DSE: variants seen among roughly 807,000 people sequenced by gnomAD.
The protein encoded by DSE is dermatan-sulfate epimerase.
DSE carries 36 observed loss-of-function variants against 84.4 expected under a neutral mutation model. That is an observed-to-expected ratio of 0.43 (90% confidence interval 0.33 to 0.56). The LOEUF (loss-of-function observed/expected upper bound fraction) is 0.56. Ranked by LOEUF, DSE falls within the 20% of genes least tolerant of loss-of-function variation. DSE has a pLI of 0.06. For synonymous variants in DSE, 410 were observed against 430.1 expected, an observed-to-expected ratio of 0.95 and a Z score of 0.58; for missense variants, 862 against 1,169.6, an observed-to-expected ratio of 0.74 and a Z score of 3.84.
chr6:116,295,267 G>A (rs114331988), intron 2 of DSE, among the ~76,000 whole-genome samples: 43 of 152,216 alleles, frequency 2.8e-4, no homozygotes, highest in African/African-American at 9.9e-4. Context: ...GTGGAGGGTT[G>A]TGGGGAGAGA....
intron 1 of DSE, chr6:116,255,231 A>G (rs1412360484): frequency 6.6e-6 from 1 of 152,246 alleles, no homozygotes; most frequent in African/African-American, 2.4e-5. Flanking sequence ...CTCCATTTTA[A>G]GCCCCCCAGA....
rs1471941472 is a variant in DSE at position 116,438,189 on chromosome 6, G to A, written c.*844G>A. ...GTTGATTTTCATACCAAAGAAGATGGAGAGTCTAAAATTTGGATATGATTC... is the reference window on the plus strand; with the variant it reads ...GTTGATTTTCATACCAAAGAAGATGAAGAGTCTAAAATTTGGATATGATTC... On this transcript the variant is annotated 3_prime_UTR_variant, in exon 6 of 6. Coordinates refer to ENST00000644252, the MANE Select transcript of DSE (RefSeq NM_013352.4). 3.9e-5 allele frequency: 6 copies of A among 152,516 alleles called. No individual in the cohort carries two copies. In the East Asian group the frequency reaches 9.6e-4, roughly 25 times the overall value. 9.4% of individuals were successfully genotyped at this position (152,516 alleles called of 1,614,324 possible).
At chr6:116,427,963 C>T (rs1270493475) in intron 3 of DSE, among the ~76,000 whole-genome samples, 4 of 152,154 alleles carry the variant, frequency 2.6e-5, no homozygotes, top group African/African-American at 7.2e-5. Flanking sequence ...CCAAAGCGGG[C>T]GGATCACTTG....
Position 116,265,314 on chromosome 6 carries a change from A to C in DSE, c.-54+6347A>C, listed in dbSNP as rs539066342. The stretch of plus-strand genomic sequence containing the variant: ...GCAGGAGTGATTGCTCAGGGCAGGG[A>C]AGGATCTGCTGTTCTCTGTGTAGTG... On this transcript the variant is annotated intron_variant, in intron 2 of 3. Transcript: ENST00000430252. 5.3e-5 allele frequency among the ~76,000 whole-genome samples: 8 copies of C among 152,096 alleles called. No homozygotes were observed. The South Asian group carries it at 1.7e-3, about 32-fold the overall frequency.
chr6:116,383,774 T>C (rs1780400836), intron 1 of DSE, among the ~76,000 whole-genome samples: 2 of 152,232 alleles, frequency 1.3e-5, no homozygotes, highest in South Asian at 4.1e-4. Context: ...CAGCAGCATG[T>C]TATTTGTCCT....
chr6:116,367,381 C>T (rs909173935), upstream of DSE, among the ~76,000 whole-genome samples: 5 of 152,134 alleles, frequency 3.3e-5, no homozygotes, highest in African/African-American at 1.2e-4. Flanking sequence ...AGAATGGAAG[C>T]AGATGTATAG....
upstream of DSE, chr6:116,369,800 A>AT: frequency 5.2e-6 from 4 of 770,136 alleles, no homozygotes; most frequent in South Asian, 1.5e-5. Context: ...AGACATCCAC[A>AT]TTTTTTCCTT....
chr6:116,292,472 G>C (rs1009597439), intron 2 of DSE, among the ~76,000 whole-genome samples: 3 of 152,068 alleles, frequency 2.0e-5, no homozygotes, highest in African/African-American at 7.2e-5. Context: ...TTGCAGAGTT[G>C]AAAAAATGAA....
At chr6:116,421,307 A>C (rs1328432507) in intron 2 of DSE, among the ~76,000 whole-genome samples, 1 of 151,672 alleles carries the variant, frequency 6.6e-6, no homozygotes, top group Non-Finnish European at 1.5e-5. Flanking sequence ...GGCTGTATCT[A>C]TCAAAGTTTA....
intron 2 of DSE, among the ~76,000 whole-genome samples, chr6:116,292,206 A>G (rs758937023): frequency 1.3e-5 from 2 of 152,150 alleles, no homozygotes; most frequent in African/African-American, 2.4e-5. Flanking sequence ...TCTGAGGAAC[A>G]CTGACGTGAA....
At position 116,437,260 on chromosome 6, in the gene DSE, G is replaced by A. The variant is rs1784239121; in HGVS notation, c.2792G>A (p.Gly931Asp). 6.2e-7 allele frequency: 1 copy of A among 1,613,918 alleles called. No individual in the cohort carries two copies. Among genetic ancestry groups the A allele is most frequent in the South Asian group, 1.1e-5 (1 of 91,084 alleles). The change falls in exon 6 of 6, where the codon GGC becomes GAC. Residue 931 changes from glycine to aspartate, a missense_variant. Physicochemically the swap from Gly to Asp is moderately conservative, Grantham distance 94. Transcript: ENST00000644252. ...TTCCAGAGGGCCCAGAGCCTACATG[G>A]CCAAAGATGTCTTTATGCAGTTCTT... ...TYFQRAQSLH[G>D]QRCLYAVLLI...
At chr6:116,299,968 G>A (rs919756503) in intron 2 of DSE, among the ~76,000 whole-genome samples, 8 of 152,078 alleles carry the variant, frequency 5.3e-5, no homozygotes, top group African/African-American at 1.7e-4. Context: ...ATATAGTTGT[G>A]GAATTTTAAT....
At chr6:116,323,962 G>T (rs1216505900) in intron 2 of DSE, among the ~76,000 whole-genome samples, 1 of 151,012 alleles carries the variant, frequency 6.6e-6, no homozygotes, top group African/African-American at 2.4e-5. Context: ...TTTTTTTCTG[G>T]GCCCCCTAGT....
chr6:116,285,860 G>T lies in DSE; in HGVS notation c.-54+26893G>T, dbSNP rs527288841. On this transcript the variant is annotated intron_variant, in intron 2 of 3. Transcript: ENST00000430252. ...GTGTGGTATTATTTCTGAGGGCTCT[G>T]TTCTGTTCCATTGGTCTATATCTCT... Among the ~76,000 whole-genome samples the T allele has an allele frequency of 6.6e-4, 100 of 152,240 alleles. 2 individuals carry two copies. In the South Asian group the frequency reaches 0.021, roughly 31 times the overall value.
chr6:116,363,560 C>T (rs1779018923), intron 2 of DSE, among the ~76,000 whole-genome samples: 4 of 152,008 alleles, frequency 2.6e-5, no homozygotes, highest in Admixed American at 1.3e-4. Context: ...TTTTAAATAC[C>T]TTAATTCCCA....
At chr6:116,405,512 T>C (rs1781867731) in intron 2 of DSE, among the ~76,000 whole-genome samples, 1 of 152,098 alleles carries the variant, frequency 6.6e-6, no homozygotes. Context: ...CTCTTACCCT[T>C]CCCCCTCACT....
intron 2 of DSE, among the ~76,000 whole-genome samples, chr6:116,416,183 C>T (rs1782695111): frequency 6.6e-6 from 1 of 152,148 alleles, no homozygotes; most frequent in Admixed American, 6.6e-5. Context: ...TTTTAAGGAC[C>T]CGTGTGACTA....
Position 116,377,785 on chromosome 6 carries a change from C to T in DSE, c.-54+6664C>T, listed in dbSNP as rs114021896. 2.6e-3 allele frequency among the ~76,000 whole-genome samples: 392 copies of T among 151,966 alleles called. 4 individuals carry two copies. Among genetic ancestry groups the T allele is most frequent in the African/African-American group, 9.0e-3 (372 of 41,422 alleles). ...GAGCAGTAATGAAGACCAAGGTACC[C>T]GCTGTAATACAACCTTGTTTACCTT... On this transcript the variant is annotated intron_variant, in intron 1 of 5. Coordinates refer to ENST00000644252, the MANE Select transcript of DSE (RefSeq NM_013352.4).
At chr6:116,323,465 T>C (rs1460782491) in intron 2 of DSE, among the ~76,000 whole-genome samples, 4 of 152,238 alleles carry the variant, frequency 2.6e-5, no homozygotes. Flanking sequence ...AGGCAGATAA[T>C]AATTACTTCT....
Sources: gnomAD v4.1 joint callset for allele counts (sites outside exome capture counted in the v4.1 genomes callset) on GRCh38, gnomAD v4.1.1 for gene constraint, MANE v1.5 for transcripts, NCBI Gene and HGNC (gene_info 2026-07-23, HGNC 2026-07-21) for gene names.